Variants in SLC34A1 observed in about 807,000 individuals in gnomAD.
SLC34A1 encodes the protein solute carrier family 34 member 1.
In SLC34A1, 57 loss-of-function variants were observed where a neutral mutation model predicts 51.4. That is an observed-to-expected ratio of 1.11 (90% CI 0.90 to 1.38). SLC34A1 has a LOEUF of 1.38. Ranked by LOEUF, SLC34A1 falls within the 40% of genes most tolerant of loss-of-function variation. The probability of loss-of-function intolerance (pLI) is 0.00; values close to 1 mark genes in which losing one functional copy is unlikely to be tolerated. For synonymous variants in SLC34A1, 368 were observed against 358.0 expected (o/e 1.03, Z -0.32); for missense variants, 796 against 835.6 (o/e 0.95, Z 0.58).
intron 8 of SLC34A1, chr5:177,389,847 C>A (rs183163580): frequency 6.8e-7 from 1 of 1,477,504 alleles, no homozygotes; most frequent in East Asian, 2.5e-5. Context: ...CCTTTCTCTA[C>A]GGCTGCAGCT....
In SLC34A1 at chr5:177,387,214, CAA is replaced by C. The variant is rs75240921; in HGVS notation, c.533-537_533-536del. Among the ~76,000 whole-genome samples the C allele has an allele frequency of 2.5e-3, 335 of 136,324 alleles. 1 individual carries two copies. Among genetic ancestry groups the C allele is most frequent in the African/African-American group, 8.3e-3 (315 of 38,130 alleles). The allele number at this position is 136,324 out of a possible 152,430, so 89.4% of individuals were successfully genotyped here. On this transcript the variant is annotated intron_variant, in intron 5 of 12. Coordinates refer to ENST00000324417, the MANE Select transcript of SLC34A1 (RefSeq NM_003052.5). The stretch of plus-strand genomic sequence containing the variant: ...TGAAACCCTGTCTCTACTAAAAATA[CAA>C]AAAAAAAAAACAACAAAAACCAAAA...
Position 177,398,241 on chromosome 5 carries a change from C to T in SLC34A1, c.1875C>T (p.Ser625=), listed in dbSNP as rs2127356378. The change falls in exon 13 of 13, where the codon TCC becomes TCT. Residue 625 remains serine, a synonymous_variant. Coordinates refer to ENST00000324417, the MANE Select transcript of SLC34A1 (RefSeq NM_003052.5). The surrounding 1 kb of genome is among the most constrained non-coding windows in gnomAD (Gnocchi z 4.7). ...FLEELPPATP[S]PRLALPAHHN... is the part of the protein sequence containing the mutation. Reference sequence around the variant, plus strand: ...AGGAGCTACCCCCTGCCACACCCTCCCCCCGTCTTGCACTGCCTGCTCACC... The same window carrying T: ...AGGAGCTACCCCCTGCCACACCCTCTCCCCGTCTTGCACTGCCTGCTCACC... 1.2e-6 allele frequency: 2 copies of T among 1,600,252 alleles called. No homozygotes were observed. Among genetic ancestry groups the T allele is most frequent in the South Asian group, 1.1e-5 (1 of 91,088 alleles).
chr5:177,396,817 CTG>C lies in SLC34A1; in HGVS notation c.1263_1264del (p.Phe422HisfsTer16). 6.2e-7 allele frequency: 1 copy of C among 1,614,242 alleles called. No individual in the cohort carries two copies. The highest frequency in any genetic ancestry group is 8.5e-7 in the Non-Finnish European group (1 of 1,180,052). On this transcript the variant is annotated frameshift_variant, in exon 11 of 13. Transcript: ENST00000324417. LOFTEE classifies it high-confidence loss of function. This position sits in a 1 kb window ranked among gnomAD's most constrained non-coding sequence, Gnocchi z 4.0. ...ATGACCTTCGTGGTCCAGAGCAGTT[CTG>C]TGTTCACCTCGGCCATCACCCCACT...
At chr5:177,385,311 A>T (rs1240560584) in intron 1 of SLC34A1, among the ~76,000 whole-genome samples, 2 of 152,112 alleles carry the variant, frequency 1.3e-5, no homozygotes, top group African/African-American at 4.8e-5. Flanking sequence ...CTCAGTTCTC[A>T]GTGTCTTTTA....
chr5:177,392,004 C>T (rs1293522640), intron 8 of SLC34A1, among the ~76,000 whole-genome samples: 1 of 152,198 alleles, frequency 6.6e-6, no homozygotes, highest in Admixed American at 6.5e-5. Context: ...TCTAGCCCAT[C>T]GCAGCCTATT....
chr5:177,385,170 G>A (rs1281748866), intron 1 of SLC34A1, among the ~76,000 whole-genome samples: 2 of 152,122 alleles, frequency 1.3e-5, no homozygotes, highest in Non-Finnish European at 2.9e-5. Context: ...TGAGAAGGCA[G>A]GTGTCTGCAG....
chr5:177,397,642 G>C (rs773293650), intron 12 of SLC34A1, 141 bp from the exon 13 acceptor site: 3 of 1,079,194 alleles, frequency 2.8e-6, no homozygotes, highest in Non-Finnish European at 4.2e-6. Context: ...GGTGATCTCG[G>C]GGCAGGGGGC....
At chr5:177,392,227 C>T (rs1581643766) in intron 8 of SLC34A1, among the ~76,000 whole-genome samples, 2 of 152,304 alleles carry the variant, frequency 1.3e-5, no homozygotes, top group African/African-American at 2.4e-5. Flanking sequence ...CTTGGGAGGC[C>T]GAGGTGGGTG....
Position 177,396,448 on chromosome 5 carries a change from CCCGCGG to C in SLC34A1, c.1175-284_1175-279del. Reference sequence around the variant, plus strand: ...CGCGGAGATCCGCTCTCCCAGTGCCCCCGCGGAGGTCCGCTCTCCCAGTGCCCCCGC... The same window carrying C: ...CGCGGAGATCCGCTCTCCCAGTGCCCAGGTCCGCTCTCCCAGTGCCCCCGC... On this transcript the variant is annotated intron_variant, in intron 10 of 12. Coordinates refer to ENST00000324417, the MANE Select transcript of SLC34A1 (RefSeq NM_003052.5). The surrounding 1 kb of genome is among the most constrained non-coding windows in gnomAD (Gnocchi z 4.0). 6.7e-6 allele frequency among the ~76,000 whole-genome samples: 1 copy of C among 150,370 alleles called. No individual in the cohort carries two copies. The highest frequency in any genetic ancestry group is 1.5e-5 in the Non-Finnish European group (1 of 67,294).
chr5:177,388,717 G>C lies in SLC34A1; in HGVS notation c.936+345G>C, dbSNP rs113019351. Among the ~76,000 whole-genome samples, 4,156 of 152,200 alleles carry C rather than the reference G, an allele frequency of 0.027. 167 individuals carry two copies. Among genetic ancestry groups the C allele is most frequent in the African/African-American group, 0.094 (3,914 of 41,488 alleles). On this transcript the variant is annotated intron_variant, in intron 8 of 12. Transcript: ENST00000324417. This position sits in a 1 kb window ranked among gnomAD's most constrained non-coding sequence, Gnocchi z 4.3. ...ACCTACTGAATCTGGAAACCCCTGG[G>C]AGCGGGGCCAATGGCCTATGCTTCA...
chr5:177,394,605 C>T (rs997841821), intron 10 of SLC34A1, among the ~76,000 whole-genome samples: 1 of 151,762 alleles, frequency 6.6e-6, no homozygotes, highest in Non-Finnish European at 1.5e-5. Context: ...ACCTGTAAAT[C>T]CAGCACTTTG....
At chr5:177,385,669 TC>T in intron 1 of SLC34A1, 25 bp from the exon 2 acceptor site, 6 of 1,095,386 alleles carry the variant, frequency 5.5e-6, no homozygotes, top group Non-Finnish European at 8.3e-6. Flanking sequence ...GGCATGAGTG[TC>T]CCGGACACAG....
intron 8 of SLC34A1, chr5:177,389,634 C>T: frequency 6.5e-7 from 1 of 1,537,264 alleles, no homozygotes; most frequent in Middle Eastern, 1.7e-4. Context: ...CTCTCTACTT[C>T]ATAGCAAAAT....
rs557597475 is a variant in SLC34A1 at position 177,387,707 on chromosome 5, T to C, written c.533-55T>C. On this transcript the variant is annotated intron_variant, in intron 5 of 12. Transcript: ENST00000324417. ...GTGGGGGGCCTGACAGGAGTTGTGGTGGTGCAGGAGCTGGGTGACCGTCAA... is the reference window on the plus strand; with the variant it reads ...GTGGGGGGCCTGACAGGAGTTGTGGCGGTGCAGGAGCTGGGTGACCGTCAA... 1,942 of 1,418,934 alleles carry C rather than the reference T, an allele frequency of 1.4e-3. 3 individuals carry two copies. The highest frequency in any genetic ancestry group is 2.1e-3 in the Middle Eastern group (12 of 5,680). 87.9% of individuals were successfully genotyped at this position (1,418,934 alleles called of 1,614,324 possible).
chr5:177,391,969 T>C (rs925120517), intron 8 of SLC34A1, among the ~76,000 whole-genome samples: 1 of 152,188 alleles, frequency 6.6e-6, no homozygotes, highest in East Asian at 1.9e-4. Flanking sequence ...GCAGTTACCG[T>C]TGCTTTCCCA....
chr5:177,397,538 CA>C lies in SLC34A1; in HGVS notation c.1417-244del, dbSNP rs1763009965. 1.3e-5 allele frequency: 8 copies of C among 594,492 alleles called. No individual in the cohort carries two copies. The South Asian group carries it at 1.6e-4, about 12-fold the overall frequency. 36.8% of individuals were successfully genotyped at this position (594,492 alleles called of 1,614,324 possible). A position where few individuals can be genotyped will look rare whatever the true frequency, so the allele number is the denominator to read the frequency against. On this transcript the variant is annotated intron_variant, in intron 12 of 12. Transcript: ENST00000324417. ...GCTGGGGGATTCCTGTGCGAGGGGTCAGTGGGGAAAATGTGGGGAGCTCAGG... is the reference window on the plus strand; with the variant it reads ...GCTGGGGGATTCCTGTGCGAGGGGTCGTGGGGAAAATGTGGGGAGCTCAGG...
At chr5:177,387,122 G>T (rs557677695) in intron 5 of SLC34A1, among the ~76,000 whole-genome samples, 1 of 151,966 alleles carries the variant, frequency 6.6e-6, no homozygotes, top group East Asian at 1.9e-4. Flanking sequence ...TGTAATCCCA[G>T]CACTTTGGGA....
chr5:177,385,429 C>T (rs908605384), intron 1 of SLC34A1, among the ~76,000 whole-genome samples: 5 of 152,090 alleles, frequency 3.3e-5, no homozygotes, highest in African/African-American at 1.2e-4. Flanking sequence ...ACCACACACA[C>T]CCCTCCGAGA....
chr5:177,388,359 C>G lies in SLC34A1; in HGVS notation c.923C>G (p.Pro308Arg), dbSNP rs1174410412. 1 of 1,614,098 alleles carries G rather than the reference C, an allele frequency of 6.2e-7. No individual in the cohort carries two copies. Among genetic ancestry groups the G allele is most frequent in the East Asian group, 2.2e-5 (1 of 44,884 alleles). The change falls in exon 8 of 13, where the codon CCA (proline) becomes CGA (arginine). Residue 308 changes from proline to arginine, a missense_variant. By Grantham distance (103) the Pro-to-Arg change is moderately radical (BLOSUM62 -2). Transcript: ENST00000324417. The surrounding 1 kb of genome is among the most constrained non-coding windows in gnomAD (Gnocchi z 4.3). The part of the protein sequence containing the change: ...NHSLIQIWCH[P>R]DSLQAPTSMS... ...AGTCTCATCCAGATCTGGTGCCACC[C>G]AGACTCCTTACAGGTGAGTCCCAGG...
Sources: gnomAD v4.1 joint callset for allele counts (sites outside exome capture counted in the v4.1 genomes callset) on GRCh38, gnomAD v4.1.1 for gene constraint, Gnocchi (gnomAD v3.1) non-coding constraint, MANE v1.5 for transcripts, NCBI Gene and HGNC (gene_info 2026-07-23, HGNC 2026-07-21) for gene names.